GTF2A1L: variants seen among roughly 807,000 people sequenced by gnomAD.
GTF2A1L encodes the protein general transcription factor IIA subunit 1 like.
A neutral mutation model predicts 49.7 loss-of-function variants in GTF2A1L; 48 were observed. The ratio of observed to expected loss-of-function variants is 0.97; its 90% confidence interval spans 0.77 to 1.23. GTF2A1L has a LOEUF of 1.23. Among genes scored for constraint, GTF2A1L ranks in the 50% most tolerant of loss-of-function variants. The pLI, the probability that GTF2A1L is intolerant of heterozygous loss-of-function variation, is 0.00. For synonymous variants in GTF2A1L, 246 were observed against 193.5 expected, an observed-to-expected ratio of 1.27 and a Z score of -2.25; for missense variants, 736 against 564.8, an observed-to-expected ratio of 1.30 and a Z score of -3.07.
chr2:48,649,400 A>G (rs550022283), intron 6 of GTF2A1L, among the ~76,000 whole-genome samples: 437 of 152,210 alleles, frequency 2.9e-3, no homozygotes, highest in Non-Finnish European at 5.5e-3. Context: ...TTATCTAACT[A>G]ATTTATCAGT....
intron 4 of GTF2A1L, among the ~76,000 whole-genome samples, chr2:48,644,435 A>T (rs939309281): frequency 6.6e-6 from 1 of 152,202 alleles, no homozygotes. Context: ...TTAATTAACA[A>T]ACTTTTGTTG....
chr2:48,679,514 A>T lies in GTF2A1L; in HGVS notation c.*72A>T. The T allele has an allele frequency of 6.3e-7, 1 of 1,587,648 alleles. No individual in the cohort carries two copies. Among genetic ancestry groups the T allele is most frequent in the East Asian group, 2.3e-5 (1 of 44,198 alleles). ...TATTGCATATTGTGAATTCATTTTTATTTTGAATATAGTCCAGCACAGAGC... is the reference window on the plus strand; with the variant it reads ...TATTGCATATTGTGAATTCATTTTTTTTTTGAATATAGTCCAGCACAGAGC... On this transcript the variant is annotated 3_prime_UTR_variant, in exon 9 of 9. Transcript: ENST00000403751.
intron 3 of GTF2A1L, among the ~76,000 whole-genome samples, chr2:48,622,804 A>T (rs1308971680): frequency 6.6e-6 from 1 of 150,952 alleles, no homozygotes; most frequent in African/African-American, 2.4e-5. Flanking sequence ...ACTGCATTCC[A>T]GCCTGGGCGA....
At chr2:48,633,448 G>C (rs1336465873) in intron 3 of GTF2A1L, 1 of 152,654 alleles carries the variant, frequency 6.6e-6, no homozygotes, top group Admixed American at 6.5e-5. Flanking sequence ...TGCTTGGTGG[G>C]TGGGAGGAGT....
At chr2:48,677,763 G>A (rs1173307513) in intron 8 of GTF2A1L, among the ~76,000 whole-genome samples, 1 of 151,962 alleles carries the variant, frequency 6.6e-6, no homozygotes, top group African/African-American at 2.4e-5. Context: ...TAGTGGAAGT[G>A]GTAGAAGTTT....
intron 1 of GTF2A1L, among the ~76,000 whole-genome samples, chr2:48,618,700 C>T (rs1465225359): frequency 3.3e-5 from 5 of 152,186 alleles, no homozygotes; most frequent in African/African-American, 1.2e-4. Context: ...AATACCTATA[C>T]TCTGCCTGAA....
chr2:48,668,810 G>C (rs966531488), intron 6 of GTF2A1L: 6 of 151,130 alleles, frequency 4.0e-5, no homozygotes, highest in African/African-American at 1.5e-4. Flanking sequence ...ACTCCAGCCT[G>C]GGCGACAGAG....
rs1437532252 is a variant in GTF2A1L, at chr2:48,628,965, C to G, written c.247+7675C>G. Among the ~76,000 whole-genome samples the G allele has an allele frequency of 1.4e-5, 2 of 143,622 alleles. 1 individual carries two copies. The highest frequency in any genetic ancestry group is 3.1e-5 in the Non-Finnish European group (2 of 63,794). 94.2% of individuals were successfully genotyped at this position (143,622 alleles called of 152,430 possible). ...GGTAGGAAGAAAGTGACTTTGCAGCCAGGTGCGGTGGCTCATGCCTGTAAT... is the reference window on the plus strand; with the variant it reads ...GGTAGGAAGAAAGTGACTTTGCAGCGAGGTGCGGTGGCTCATGCCTGTAAT... On this transcript the variant is annotated intron_variant, in intron 3 of 8. Coordinates refer to ENST00000403751, the MANE Select transcript of GTF2A1L (RefSeq NM_006872.5).
In GTF2A1L at chr2:48,645,026, T is replaced by C; in HGVS notation, c.304-7T>C. ...CTAACTTTCTAATATAAATTTCTTA[T>C]ATCTAGGGCACTTCAAACTCCAGTG... On this transcript the variant is annotated splice_polypyrimidine_tract_variant and splice_region_variant and intron_variant, in intron 4 of 8. Transcript: ENST00000403751. 1 of 1,587,860 alleles carries C rather than the reference T, an allele frequency of 6.3e-7. No homozygotes were observed. The highest frequency in any genetic ancestry group is 8.5e-7 in the Non-Finnish European group (1 of 1,173,058).
chr2:48,622,843 A>AG, intron 3 of GTF2A1L, among the ~76,000 whole-genome samples: 1 of 151,808 alleles, frequency 6.6e-6, no homozygotes, highest in South Asian at 2.1e-4. Context: ...TAAAAAAAAA[A>AG]AAAAAAAGCA....
Position 48,646,586 on chromosome 2 carries a change from A to G in GTF2A1L, c.522A>G (p.Gln174=), listed in dbSNP as rs368382066. Residue 174 remains glutamine (Q), a synonymous_variant, in exon 6 of 9, where the codon CAA becomes CAG. Coordinates refer to ENST00000403751, the MANE Select transcript of GTF2A1L (RefSeq NM_006872.5). ...CAGTAATACAAACTAGTGTTCCACA[A>G]TTGAATCCATGGTCTCTTCAAGCAA... ...QPSVIQTSVP[Q]LNPWSLQATT... is the part of the protein sequence containing the mutation. 8.5e-5 allele frequency: 138 copies of G among 1,614,188 alleles called. 1 individual carries two copies. The Middle Eastern group carries it at 2.3e-3, about 27-fold the overall frequency.
rs559487694 is a variant in GTF2A1L at position 48,669,776 on chromosome 2, G to T, written c.1033G>T (p.Glu345Ter). The change falls in exon 7 of 9, where the codon GAA becomes TAA. Residue 345 changes from glutamate to a stop codon, truncating the protein, a stop_gained. Transcript: ENST00000403751. LOFTEE classifies it high-confidence loss of function. ...TCGGGTTACTGATGATGATATTGGT[G>T]AAATAATTCAAGTAGATGGAAGCGG... The part of the protein sequence containing the change: ...SIRVTDDDIG[E>*]IIQVDGSGDT... The T allele has an allele frequency of 6.2e-7, 1 of 1,613,922 alleles. No individual in the cohort carries two copies. The highest frequency in any genetic ancestry group is 1.1e-5 in the South Asian group (1 of 91,040).
At chr2:48,641,758 G>C (rs1473684324) in intron 3 of GTF2A1L, among the ~76,000 whole-genome samples, 1 of 152,132 alleles carries the variant, frequency 6.6e-6, no homozygotes, top group Non-Finnish European at 1.5e-5. Flanking sequence ...AGGCTGGTTA[G>C]CATAGAAAAC....
chr2:48,629,937 C>G (rs1349657695), intron 3 of GTF2A1L, among the ~76,000 whole-genome samples: 1 of 143,282 alleles, frequency 7.0e-6, no homozygotes, highest in African/African-American at 2.5e-5. Context: ...AGGTGTGTGG[C>G]TTTATTTCTG....
chr2:48,678,395 C>A (rs1027305181), intron 8 of GTF2A1L, among the ~76,000 whole-genome samples: 7 of 151,964 alleles, frequency 4.6e-5, no homozygotes, highest in African/African-American at 1.7e-4. Context: ...AAAACCCCCC[C>A]ACAAAAATAG....
Position 48,620,859 on chromosome 2 carries a change from C to G in GTF2A1L, c.30C>G (p.Leu10=), listed in dbSNP as rs772131367. The G allele has an allele frequency of 2.5e-6, 4 of 1,570,162 alleles. No individual in the cohort carries two copies. In the South Asian group the frequency reaches 3.7e-5, roughly 14 times the overall value. Residue 10 remains leucine (L), a synonymous_variant, in exon 2 of 9, where the codon CTC becomes CTG. Coordinates refer to ENST00000403751, the MANE Select transcript of GTF2A1L (RefSeq NM_006872.5). MACLNPVPK[L]YRSVIEDVIE... ...CAATTGCTTTTATGTAGCCTAAACTCTACAGATCTGTAATTGAAGATGTAA... is the reference window on the plus strand; with the variant it reads ...CAATTGCTTTTATGTAGCCTAAACTGTACAGATCTGTAATTGAAGATGTAA...
chr2:48,643,735 G>A (rs1254461770), intron 4 of GTF2A1L, among the ~76,000 whole-genome samples: 3 of 122,326 alleles, frequency 2.5e-5, no homozygotes, highest in African/African-American at 9.1e-5. Context: ...GTCTTACTCT[G>A]TCACCCAAGT....
chr2:48,646,009 T>C (rs1677482955), intron 5 of GTF2A1L, among the ~76,000 whole-genome samples: 1 of 151,972 alleles, frequency 6.6e-6, no homozygotes, highest in African/African-American at 2.4e-5. Flanking sequence ...ATTTGATTAC[T>C]TTTGAAATCA....
intron 8 of GTF2A1L, among the ~76,000 whole-genome samples, chr2:48,676,930 T>A (rs1004366705): frequency 1.7e-4 from 26 of 151,794 alleles, no homozygotes; most frequent in East Asian, 9.6e-4. Flanking sequence ...TTTTTATTTT[T>A]TTTTTTCCAG....
Sources: allele counts gnomAD v4.1 joint callset (sites outside exome capture counted in the v4.1 genomes callset), GRCh38; gene constraint gnomAD v4.1.1; transcripts MANE v1.5; gene names NCBI Gene and HGNC (gene_info 2026-07-23, HGNC 2026-07-21).